PPP1R37: variants seen among roughly 807,000 people sequenced by gnomAD.
The protein encoded by PPP1R37 is leucine rich repeat containing 68.
Under a neutral mutation model 61.0 loss-of-function variants are expected in PPP1R37, and 21 were observed. The ratio of observed to expected loss-of-function variants is 0.34; its 90% confidence interval spans 0.24 to 0.50. The LOEUF (loss-of-function observed/expected upper bound fraction) is 0.50. Among genes scored for constraint, PPP1R37 ranks in the 20% least tolerant of loss-of-function variants. The pLI, the probability that PPP1R37 is intolerant of heterozygous loss-of-function variation, is 0.98. For missense variants in PPP1R37, 910 were observed against 952.7 expected (o/e 0.96, Z 0.59); for synonymous variants, 443 against 433.5 (o/e 1.02, Z -0.27).
At chr19:45,135,992 C>T (rs1243324378) in intron 1 of PPP1R37, 3 of 152,052 alleles carry the variant, frequency 2.0e-5, no homozygotes, top group Non-Finnish European at 2.9e-5. Context: ...CGTGTTGCCC[C>T]GGCTGGTCTT....
chr19:45,142,313 G>A lies in PPP1R37; in HGVS notation c.729G>A (p.Leu243=). The change falls in exon 7 of 13, where the codon CTG becomes CTA. Residue 243 remains leucine (L), a synonymous_variant. Coordinates refer to ENST00000221462, the MANE Select transcript of PPP1R37 (RefSeq NM_019121.2). ...CCTCCCCGTCCCCAGCCACGGCCCT[G>A]AAGATGAACATGAACCTGCGGGAGC... ...GRPLMLLATA[L]KMNMNLRELY... is the part of the protein sequence containing the mutation. The A allele has an allele frequency of 6.5e-7, 1 of 1,536,078 alleles. No homozygotes were observed. Among genetic ancestry groups the A allele is most frequent in the African/African-American group, 1.4e-5 (1 of 73,178 alleles).
chr19:45,116,773 A>G (rs1329960099), intron 1 of PPP1R37, among the ~76,000 whole-genome samples: 1 of 152,200 alleles, frequency 6.6e-6, no homozygotes, highest in Non-Finnish European at 1.5e-5. Context: ...GGTCTAGGAC[A>G]GAAAACGAGC....
chr19:45,131,975 G>A (rs1005775766), intron 1 of PPP1R37, among the ~76,000 whole-genome samples: 4 of 152,050 alleles, frequency 2.6e-5, no homozygotes, highest in Non-Finnish European at 5.9e-5. Flanking sequence ...ACACAGCCTC[G>A]GCAGGCCAGG....
At chr19:45,137,540 C>T (rs1968554174) in intron 1 of PPP1R37, among the ~76,000 whole-genome samples, 1 of 152,222 alleles carries the variant, frequency 6.6e-6, no homozygotes, top group South Asian at 2.1e-4. Context: ...ATGCTGGGAG[C>T]CACTGCCTGT....
intron 1 of PPP1R37, among the ~76,000 whole-genome samples, chr19:45,111,488 G>A (rs1216045729): frequency 6.6e-6 from 1 of 152,140 alleles, no homozygotes; most frequent in East Asian, 1.9e-4. Flanking sequence ...TGTTGGCCAG[G>A]CTGGTCTCGA....
At chr19:45,114,749 C>T (rs954126638) in intron 1 of PPP1R37, among the ~76,000 whole-genome samples, 1 of 148,318 alleles carries the variant, frequency 6.7e-6, no homozygotes, top group African/African-American at 2.5e-5. Context: ...GAGTTCAAGA[C>T]CACCCTGGGC....
chr19:45,123,557 A>C (rs1030216776), intron 1 of PPP1R37, among the ~76,000 whole-genome samples: 5 of 152,176 alleles, frequency 3.3e-5, no homozygotes, highest in Non-Finnish European at 5.9e-5. Flanking sequence ...GCTCTGGTTC[A>C]AACCTCCCTC....
At chr19:45,144,437 C>T (rs1968656468) in intron 8 of PPP1R37, 4 of 174,078 alleles carry the variant, frequency 2.3e-5, no homozygotes, top group Non-Finnish European at 3.6e-5. Context: ...AGTGAGTCAC[C>T]GTGCCTGGTT....
chr19:45,142,008 G>C (rs1207906168), intron 5 of PPP1R37, 53 bp from the exon 6 acceptor site: 16 of 1,402,948 alleles, frequency 1.1e-5, no homozygotes, highest in Non-Finnish European at 1.5e-5. Flanking sequence ...GGGCCAGGGA[G>C]TGCTGGGGCA....
chr19:45,144,806 C>T (rs766425512), intron 8 of PPP1R37, 48 bp from the exon 9 acceptor site: 1 of 1,467,308 alleles, frequency 6.8e-7, no homozygotes, highest in South Asian at 1.3e-5. Context: ...TCCTGGGTCT[C>T]CTCCGCCATC....
At chr19:45,101,953 T>G (rs966189046) in intron 1 of PPP1R37, among the ~76,000 whole-genome samples, 1 of 152,220 alleles carries the variant, frequency 6.6e-6, no homozygotes, top group Non-Finnish European at 1.5e-5. Context: ...TGCCACTGTT[T>G]CCCATAGCAC....
intron 8 of PPP1R37, chr19:45,144,545 C>T (rs1968658099): frequency 5.0e-6 from 2 of 397,946 alleles, no homozygotes; most frequent in East Asian, 4.4e-5. Flanking sequence ...AGTTGCCCTC[C>T]TTGGGGGCTT....
intron 2 of PPP1R37, among the ~76,000 whole-genome samples, chr19:45,140,028 T>G (rs1468177836): frequency 6.6e-6 from 1 of 152,174 alleles, no homozygotes; most frequent in African/African-American, 2.4e-5. Flanking sequence ...TGGCTGGTCC[T>G]CAGTTGTGTG....
At chr19:45,123,198 G>A (rs1968362379) in intron 1 of PPP1R37, among the ~76,000 whole-genome samples, 1 of 151,820 alleles carries the variant, frequency 6.6e-6, no homozygotes, top group Non-Finnish European at 1.5e-5. Flanking sequence ...GAGCTGGCTT[G>A]TGGGGGATTG....
intron 1 of PPP1R37, among the ~76,000 whole-genome samples, chr19:45,132,560 C>T (rs1352751429): frequency 6.6e-6 from 1 of 152,002 alleles, no homozygotes; most frequent in African/African-American, 2.4e-5. Flanking sequence ...CTCAGCCTCC[C>T]GAGTAGCTGG....
At chr19:45,135,803 A>G (rs1306699872) in intron 1 of PPP1R37, among the ~76,000 whole-genome samples, 2 of 137,582 alleles carry the variant, frequency 1.5e-5, no homozygotes, top group East Asian at 3.9e-4. Flanking sequence ...TTTTTTGGAA[A>G]TGGAGTTTGG....
chr19:45,135,634 T>TGGGCC (rs1338604629), intron 1 of PPP1R37, among the ~76,000 whole-genome samples: 1 of 152,180 alleles, frequency 6.6e-6, no homozygotes, highest in Non-Finnish European at 1.5e-5. Flanking sequence ...CAGCTTAGGG[T>TGGGCC]GGGCCTGGCC....
chr19:45,124,807 G>GAAAA (rs35150714), intron 1 of PPP1R37, among the ~76,000 whole-genome samples: 1 of 142,556 alleles, frequency 7.0e-6, no homozygotes, highest in Non-Finnish European at 1.5e-5. Flanking sequence ...CATAAAAAAA[G>GAAAA]AAAAAAAAAA....
At chr19:45,128,063 T>C (rs1054722335) in intron 1 of PPP1R37, among the ~76,000 whole-genome samples, 21 of 151,966 alleles carry the variant, frequency 1.4e-4, no homozygotes, top group African/African-American at 5.1e-4. Flanking sequence ...AAATACCACA[T>C]GTACCCCATA....
Sources: allele counts gnomAD v4.1 joint callset (sites outside exome capture counted in the v4.1 genomes callset), GRCh38; gene constraint gnomAD v4.1.1; transcripts MANE v1.5; gene names NCBI Gene and HGNC (gene_info 2026-07-23, HGNC 2026-07-21).